RABGEF1: variants seen among roughly 807,000 people sequenced by gnomAD.
The protein encoded by RABGEF1 is RAB guanine nucleotide exchange factor 1, also known as rab5 GDP/GTP exchange factor.
Under a neutral mutation model 57.3 loss-of-function variants are expected in RABGEF1, and 26 were observed. The observed-to-expected ratio is 0.45, with a 90% CI of 0.33 to 0.63. The LOEUF (loss-of-function observed/expected upper bound fraction) is 0.63. RABGEF1 is among the 20% of genes least tolerant of loss of function. The pLI, the probability that RABGEF1 is intolerant of heterozygous loss-of-function variation, is 0.02. For missense variants in RABGEF1, 464 were observed against 607.6 expected (o/e 0.76, Z 2.48); for synonymous variants, 185 against 210.7 (o/e 0.88, Z 1.06).
intron 1 of RABGEF1, among the ~76,000 whole-genome samples, chr7:66,692,753 G>C (rs1373289155): frequency 6.7e-6 from 1 of 148,378 alleles, no homozygotes; most frequent in Admixed American, 6.9e-5. Flanking sequence ...ATCCCCCTGA[G>C]CCTAGGATGG....
the RABGEF1 span, among the ~76,000 whole-genome samples, chr7:66,656,223 C>T: frequency 1.3e-5 from 2 of 152,110 alleles, no homozygotes; most frequent in Admixed American, 6.5e-5. Flanking sequence ...CTCAAGGGAT[C>T]CTCCCACCTC....
intron 2 of RABGEF1, among the ~76,000 whole-genome samples, chr7:66,716,643 A>G (rs190961438): frequency 1.3e-4 from 20 of 152,224 alleles, no homozygotes; most frequent in African/African-American, 4.3e-4. Flanking sequence ...AACAAAATGT[A>G]TAGTCATGTC....
chr7:66,757,196 T>C (rs1802934303), intron 1 of RABGEF1, among the ~76,000 whole-genome samples: 1 of 152,214 alleles, frequency 6.6e-6, no homozygotes, highest in Non-Finnish European at 1.5e-5. Flanking sequence ...GTGGATTATA[T>C]TTTCTCATTA....
At chr7:66,808,688 G>A (rs1390508780) in intron 8 of RABGEF1, among the ~76,000 whole-genome samples, 198 bp from the exon 9 acceptor site, 1 of 152,184 alleles carries the variant, frequency 6.6e-6, no homozygotes, top group Non-Finnish European at 1.5e-5. Flanking sequence ...CGGCCCTGGA[G>A]CTCCTGGGAG....
intron 1 of RABGEF1, among the ~76,000 whole-genome samples, chr7:66,711,544 A>AATCTGT (rs1218131847): frequency 1.3e-5 from 2 of 152,056 alleles, no homozygotes; most frequent in African/African-American, 2.4e-5. Context: ...TTTTGTCAAA[A>AATCTGT]ATCTGTTGGC....
intron 1 of RABGEF1, among the ~76,000 whole-genome samples, chr7:66,744,183 A>G (rs1321313053): frequency 6.6e-6 from 1 of 151,368 alleles, no homozygotes; most frequent in Non-Finnish European, 1.5e-5. Flanking sequence ...CTGACCATAG[A>G]TAGGCGCGCG....
intron 1 of RABGEF1, among the ~76,000 whole-genome samples, chr7:66,759,314 C>A (rs1239401770): frequency 6.6e-6 from 1 of 152,212 alleles, no homozygotes; most frequent in African/African-American, 2.4e-5. Context: ...GCAGATTCTA[C>A]AGGACACCAG....
chr7:66,730,639 A>G (rs1035273840), intron 2 of RABGEF1, among the ~76,000 whole-genome samples: 2 of 150,944 alleles, frequency 1.3e-5, no homozygotes, highest in African/African-American at 4.9e-5. Flanking sequence ...GCTCACTGCA[A>G]TGTCCGCCTC....
the RABGEF1 span, among the ~76,000 whole-genome samples, chr7:66,664,174 A>G: frequency 6.6e-6 from 1 of 152,038 alleles, no homozygotes; most frequent in African/African-American, 2.4e-5. Flanking sequence ...CAGAAAGGTC[A>G]TCGGTGAACC....
intron 7 of RABGEF1, among the ~76,000 whole-genome samples, chr7:66,799,936 C>T (rs1438572579): frequency 2.0e-5 from 3 of 152,124 alleles, no homozygotes; most frequent in Non-Finnish European, 4.4e-5. Context: ...ATTGATGTGA[C>T]ACTGCCGTTC....
At chr7:66,761,865 A>G (rs1263804884) in intron 1 of RABGEF1, among the ~76,000 whole-genome samples, 2 of 152,154 alleles carry the variant, frequency 1.3e-5, no homozygotes, top group Non-Finnish European at 1.5e-5. Flanking sequence ...AGCCTGGCCA[A>G]CATGGTGAAA....
At chr7:66,689,050 A>G (rs1050024594) in intron 1 of RABGEF1, among the ~76,000 whole-genome samples, 4 of 152,094 alleles carry the variant, frequency 2.6e-5, no homozygotes, top group Non-Finnish European at 4.4e-5. Flanking sequence ...CCGAGATTGC[A>G]CCACTGCATT....
At chr7:66,727,478 GC>G (rs746791576) in intron 2 of RABGEF1, among the ~76,000 whole-genome samples, 18 of 152,360 alleles carry the variant, frequency 1.2e-4, no homozygotes, top group Admixed American at 4.6e-4. Context: ...CTCCTACCCT[GC>G]CCTGCCTGGT....
intron 5 of RABGEF1, chr7:66,796,932 CT>C (rs757561444): frequency 2.2e-6 from 1 of 444,788 alleles, no homozygotes; most frequent in South Asian, 1.6e-5. Context: ...ATATAACATT[CT>C]TATACTTTTG....
intron 4 of RABGEF1, among the ~76,000 whole-genome samples, chr7:66,792,672 G>A (rs1175889345): frequency 2.0e-5 from 3 of 152,192 alleles, no homozygotes; most frequent in African/African-American, 7.2e-5. Context: ...AACAAAGGCA[G>A]TCATTGCCTT....
Position 66,800,650 on chromosome 7 carries a change from G to A in RABGEF1, c.820+1236G>A, listed in dbSNP as rs190368736. Among the ~76,000 whole-genome samples, 58 of 152,340 alleles carry A rather than the reference G, an allele frequency of 3.8e-4. No homozygotes were observed. In the East Asian group the frequency reaches 0.01, roughly 26 times the overall value. On this transcript the variant is annotated intron_variant, in intron 7 of 8. Transcript: ENST00000284957. ...GAGGCCTTCTAAAAGCCTGAATATG[G>A]ACCTGGGACTTGTGTTTTTCCTGAC...
intron 2 of RABGEF1, among the ~76,000 whole-genome samples, chr7:66,716,940 C>G (rs1163863701): frequency 2.0e-5 from 3 of 152,044 alleles, no homozygotes; most frequent in Admixed American, 2.0e-4. Context: ...TGCCATACCC[C>G]ACTAAGTTTT....
At chr7:66,721,181 A>T (rs1419663437) in intron 2 of RABGEF1, among the ~76,000 whole-genome samples, 12 of 152,180 alleles carry the variant, frequency 7.9e-5, no homozygotes, top group Non-Finnish European at 2.9e-5. Flanking sequence ...GGCCTCCCAA[A>T]GTGCTGGGAT....
At chr7:66,656,006 G>T in the RABGEF1 span, among the ~76,000 whole-genome samples, 1 of 152,198 alleles carries the variant, frequency 6.6e-6, no homozygotes, top group African/African-American at 2.4e-5. Flanking sequence ...AGCCTGGAAG[G>T]GATCGGGGAA....
Sources: gnomAD v4.1 joint callset for allele counts (sites outside exome capture counted in the v4.1 genomes callset) on GRCh38, gnomAD v4.1.1 for gene constraint, MANE v1.5 for transcripts, NCBI Gene and HGNC (gene_info 2026-07-23, HGNC 2026-07-21) for gene names.